Variants in CA10 observed in about 807,000 individuals in gnomAD.
CA10 encodes carbonic anhydrase-related protein 10.
Under a neutral mutation model 44.2 loss-of-function variants are expected in CA10, and 14 were observed. That is an observed-to-expected ratio of 0.32 (90% CI 0.21 to 0.50). The LOEUF (loss-of-function observed/expected upper bound fraction) is 0.50. Among genes scored for constraint, CA10 ranks in the 20% least tolerant of loss-of-function variants. The pLI is 0.99. For synonymous variants in CA10, 159 were observed against 141.6 expected (o/e 1.12, Z -0.87); for missense variants, 350 against 409.7 (o/e 0.85, Z 1.26).
chr17:51,709,024 C>G (rs1915848832), intron 4 of CA10, among the ~76,000 whole-genome samples: 1 of 152,222 alleles, frequency 6.6e-6, no homozygotes, highest in South Asian at 2.1e-4. Flanking sequence ...AGTCAGTACT[C>G]CTTAATAAAC....
intron 3 of CA10, among the ~76,000 whole-genome samples, chr17:51,919,379 C>T (rs188515149): frequency 1.6e-4 from 25 of 152,142 alleles, no homozygotes; most frequent in African/African-American, 5.8e-4. Flanking sequence ...GCATCAAAAG[C>T]TTATCTTGGG....
intron 4 of CA10, among the ~76,000 whole-genome samples, chr17:51,743,082 G>T (rs1289359452): frequency 6.6e-6 from 1 of 152,250 alleles, no homozygotes; most frequent in Non-Finnish European, 1.5e-5. Context: ...AGCATGTGAA[G>T]AGTGGATGAA....
At chr17:51,665,842 G>A (rs944976799) in intron 4 of CA10, among the ~76,000 whole-genome samples, 24 of 152,356 alleles carry the variant, frequency 1.6e-4, no homozygotes, top group African/African-American at 5.5e-4. Flanking sequence ...GTATGTGACT[G>A]TATGTAGAAT....
intron 3 of CA10, among the ~76,000 whole-genome samples, chr17:51,872,279 T>C (rs2143863864): frequency 6.6e-6 from 1 of 152,308 alleles, no homozygotes; most frequent in East Asian, 1.9e-4. Context: ...ATAGTGTTTT[T>C]TCAGCTTTAT....
chr17:51,939,973 A>G (rs1053109329), intron 2 of CA10, among the ~76,000 whole-genome samples: 1 of 152,082 alleles, frequency 6.6e-6, no homozygotes. Context: ...CTTTCCAACT[A>G]CAGGTTATAT....
intron 4 of CA10, among the ~76,000 whole-genome samples, chr17:51,668,667 T>G (rs533715070): frequency 6.6e-6 from 1 of 152,306 alleles, no homozygotes; most frequent in East Asian, 1.9e-4. Flanking sequence ...GCATCCACTC[T>G]GGCCACACTT....
intron 3 of CA10, among the ~76,000 whole-genome samples, chr17:51,909,222 A>AT (rs1220560432): frequency 3.9e-5 from 6 of 152,082 alleles, no homozygotes; most frequent in East Asian, 3.9e-4. Context: ...AAAAAAACTC[A>AT]TTTTTTCCAG....
intron 8 of CA10, among the ~76,000 whole-genome samples, chr17:51,632,291 A>G (rs1301287117): frequency 6.6e-6 from 1 of 152,242 alleles, no homozygotes; most frequent in African/African-American, 2.4e-5. Flanking sequence ...TAACTGACAC[A>G]TGGTAGGAAC....
intron 3 of CA10, among the ~76,000 whole-genome samples, chr17:51,828,070 G>A (rs1441760409): frequency 6.6e-6 from 1 of 152,110 alleles, no homozygotes; most frequent in East Asian, 1.9e-4. Context: ...CCACTGTTTG[G>A]ACTTAGAGTG....
chr17:51,915,992 G>C (rs2143960520), intron 3 of CA10, among the ~76,000 whole-genome samples: 1 of 151,640 alleles, frequency 6.6e-6, no homozygotes, highest in East Asian at 1.9e-4. Flanking sequence ...TTACCTTTTA[G>C]ATTCAGAAAC....
intron 3 of CA10, among the ~76,000 whole-genome samples, chr17:51,837,079 AAC>A (rs5820881): frequency 0.25 from 37,928 of 149,718 alleles, 5,129 homozygotes; most frequent in South Asian, 0.4. Context: ...GAGTTCAGAC[AAC>A]ACACACACAC....
chr17:51,667,425 T>C (rs887391422), intron 4 of CA10, among the ~76,000 whole-genome samples: 1 of 152,108 alleles, frequency 6.6e-6, no homozygotes, highest in African/African-American at 2.4e-5. Context: ...AAATACCTCC[T>C]ACCCAGTTTA....
At chr17:52,153,152 T>C (rs1483114855) in intron 1 of CA10, among the ~76,000 whole-genome samples, 1 of 152,138 alleles carries the variant, frequency 6.6e-6, no homozygotes, top group African/African-American at 2.4e-5. Flanking sequence ...ATTTTTTCCC[T>C]TGGGATTTCA....
At chr17:51,692,466 CT>C (rs1183181573) in intron 4 of CA10, among the ~76,000 whole-genome samples, 2 of 150,914 alleles carry the variant, frequency 1.3e-5, no homozygotes, top group Admixed American at 1.3e-4. Flanking sequence ...TTTTTAAAAC[CT>C]AAGATTATCT....
intron 4 of CA10, among the ~76,000 whole-genome samples, chr17:51,689,271 GC>G (rs1021011423): frequency 3.9e-5 from 6 of 152,124 alleles, no homozygotes; most frequent in Non-Finnish European, 8.8e-5. Flanking sequence ...TTTAAAAATG[GC>G]CATTTACAAA....
chr17:52,114,532 A>G (rs1205770104), intron 1 of CA10, among the ~76,000 whole-genome samples: 2 of 152,226 alleles, frequency 1.3e-5, no homozygotes, highest in Non-Finnish European at 2.9e-5. Flanking sequence ...TGAACTATAC[A>G]TAGTAAATTC....
chr17:52,087,048 T>TGCCA (rs1988134904), intron 1 of CA10, among the ~76,000 whole-genome samples: 1 of 152,240 alleles, frequency 6.6e-6, no homozygotes, highest in African/African-American at 2.4e-5. Context: ...ACTCACCATT[T>TGCCA]GCCAGCCAAT....
At chr17:52,110,508 C>T (rs1171609904) in intron 1 of CA10, among the ~76,000 whole-genome samples, 1 of 152,116 alleles carries the variant, frequency 6.6e-6, no homozygotes, top group Non-Finnish European at 1.5e-5. Context: ...TAAATAATAC[C>T]ACTGTATCCT....
intron 2 of CA10, among the ~76,000 whole-genome samples, chr17:52,003,455 G>A (rs1985497580): frequency 6.6e-6 from 1 of 151,948 alleles, no homozygotes; most frequent in Admixed American, 6.6e-5. Flanking sequence ...GGCAGGGGCT[G>A]TGCTCACTGT....
Sources: gnomAD v4.1 joint callset for allele counts (sites outside exome capture counted in the v4.1 genomes callset) on GRCh38, gnomAD v4.1.1 for gene constraint, MANE v1.5 for transcripts, NCBI Gene and HGNC (gene_info 2026-07-23, HGNC 2026-07-21) for gene names.